Variants in GPR107 observed in about 807,000 individuals in gnomAD.
GPR107 encodes protein GPR107.
Under a neutral mutation model 75.5 loss-of-function variants are expected in GPR107, and 31 were observed. That is an observed-to-expected ratio of 0.41 (90% CI 0.31 to 0.55). GPR107 has a LOEUF of 0.55. Among genes scored for constraint, GPR107 ranks in the 20% least tolerant of loss-of-function variants. The probability of loss-of-function intolerance (pLI) is 0.26; values close to 1 mark genes in which losing one functional copy is unlikely to be tolerated. For missense variants in GPR107, 572 were observed against 665.7 expected, an observed-to-expected ratio of 0.86 and a Z score of 1.55; for synonymous variants, 267 against 251.3, an observed-to-expected ratio of 1.06 and a Z score of -0.59.
intron 12 of GPR107, 90 bp downstream of exon 12, chr9:130,101,313 C>A: frequency 1.4e-6 from 1 of 734,836 alleles, no homozygotes; most frequent in Admixed American, 2.0e-5. Context: ...GGAGTCACCT[C>A]ACCCTGAAAC....
intron 9 of GPR107, among the ~76,000 whole-genome samples, chr9:130,097,229 A>G (rs1279521080): frequency 2.9e-5 from 4 of 138,038 alleles, no homozygotes; most frequent in Non-Finnish European, 3.0e-5. Context: ...ATCTTGGCTC[A>G]TTGCAACCTC....
At chr9:130,100,798 C>T (rs1589512621) in intron 11 of GPR107, 96 bp downstream of exon 11, 2 of 833,302 alleles carry the variant, frequency 2.4e-6, no homozygotes, top group South Asian at 1.4e-5. Flanking sequence ...GCCCTGCCCT[C>T]CTGTGGCAGC....
At chr9:130,072,341 TC>T (rs1474749038) in intron 1 of GPR107, among the ~76,000 whole-genome samples, 1 of 151,976 alleles carries the variant, frequency 6.6e-6, no homozygotes, top group Non-Finnish European at 1.5e-5. Flanking sequence ...TGCCTCAGCC[TC>T]CCGAGTAGCT....
intron 14 of GPR107, among the ~76,000 whole-genome samples, chr9:130,117,803 AG>A (rs2132637103): frequency 6.6e-6 from 1 of 152,296 alleles, no homozygotes; most frequent in South Asian, 2.1e-4. Flanking sequence ...CCTTACACTC[AG>A]GGAAGGATTG....
chr9:130,086,713 A>C (rs1830623133), intron 7 of GPR107, among the ~76,000 whole-genome samples: 1 of 152,108 alleles, frequency 6.6e-6, no homozygotes, highest in Non-Finnish European at 1.5e-5. Flanking sequence ...AGTGTAGGTG[A>C]CACGGTACAG....
At chr9:130,058,391 A>G (rs551525259) in intron 1 of GPR107, among the ~76,000 whole-genome samples, 1 of 152,140 alleles carries the variant, frequency 6.6e-6, no homozygotes, top group South Asian at 2.1e-4. Flanking sequence ...GCAGCCACTA[A>G]TCTACTTTCT....
rs192167106 is a variant in GPR107, at chr9:130,115,586, G to A, written c.1306+8047G>A. Among the ~76,000 whole-genome samples, 227 of 151,910 alleles carry A rather than the reference G, an allele frequency of 1.5e-3. 1 individual carries two copies. The highest frequency in any genetic ancestry group is 2.4e-3 in the Non-Finnish European group (161 of 67,946). On this transcript the variant is annotated intron_variant, in intron 14 of 17. Coordinates refer to ENST00000347136, the MANE Select transcript of GPR107 (RefSeq NM_020960.5). ...TCGAGACCATCCTGGCTAACACGGC[G>A]AAACCCCATCTCTACTAAAAATACA... is the stretch of plus-strand genomic sequence containing the variant.
intron 12 of GPR107, among the ~76,000 whole-genome samples, chr9:130,101,978 C>T (rs1589513595): frequency 6.6e-6 from 1 of 152,188 alleles, no homozygotes; most frequent in African/African-American, 2.4e-5. Context: ...TGCAGCAGAG[C>T]TCCTCTCGGA....
chr9:130,115,456 T>C (rs1226985670), intron 14 of GPR107, among the ~76,000 whole-genome samples: 1 of 137,830 alleles, frequency 7.3e-6, no homozygotes, highest in Non-Finnish European at 1.6e-5. Flanking sequence ...CTCTGGTCCT[T>C]TTTGTTTTCT....
At chr9:130,085,771 T>TTTTTTTTTTTTTTTTTTTTCG (rs1830600791) in intron 6 of GPR107, among the ~76,000 whole-genome samples, 1 of 133,416 alleles carries the variant, frequency 7.5e-6, no homozygotes, top group South Asian at 2.4e-4. Flanking sequence ...TTTTTTTTTT[T>TTTTTTTTTTTTTTTTTTTTCG]GCCGGGGGGA....
At chr9:130,110,453 C>T in intron 14 of GPR107, 1 of 1,157,884 alleles carries the variant, frequency 8.6e-7, no homozygotes. Flanking sequence ...ATTCCCCATT[C>T]TTAGGAAGAC....
intron 16 of GPR107, 42 bp downstream of exon 16, chr9:130,127,608 G>A (rs185289735): frequency 9.6e-7 from 1 of 1,039,748 alleles, no homozygotes; most frequent in Middle Eastern, 2.0e-4. Flanking sequence ...ATTTATGCCT[G>A]AGGATAAAGT....
At chr9:130,127,253 G>C (rs1049199640) in intron 15 of GPR107, among the ~76,000 whole-genome samples, 1 of 152,176 alleles carries the variant, frequency 6.6e-6, no homozygotes, top group South Asian at 2.1e-4. Flanking sequence ...CGGTGGGTGT[G>C]GCTGTTAGCA....
intron 10 of GPR107, among the ~76,000 whole-genome samples, chr9:130,100,139 C>G (rs1830986931): frequency 6.6e-6 from 1 of 152,114 alleles, no homozygotes; most frequent in Non-Finnish European, 1.5e-5. Context: ...TCGTGATCCG[C>G]CCGCCTCAGC....
intron 1 of GPR107, 45 bp downstream of exon 1, chr9:130,054,118 C>T: frequency 2.3e-6 from 3 of 1,311,524 alleles, no homozygotes; most frequent in East Asian, 5.8e-5. Flanking sequence ...GCCGAGGCCA[C>T]TCCCCGGGTT....
intron 1 of GPR107, among the ~76,000 whole-genome samples, chr9:130,066,162 G>C (rs1830064246): frequency 6.6e-6 from 1 of 150,442 alleles, no homozygotes; most frequent in Non-Finnish European, 1.5e-5. Context: ...ATCTGGGTGT[G>C]GTGGTGTGCA....
chr9:130,068,913 T>C (rs917117438), intron 1 of GPR107, among the ~76,000 whole-genome samples: 7 of 152,084 alleles, frequency 4.6e-5, no homozygotes, highest in African/African-American at 1.7e-4. Context: ...TAATTTTTTG[T>C]ATTTTTGGCA....
At chr9:130,057,579 T>G (rs1441419132) in intron 1 of GPR107, among the ~76,000 whole-genome samples, 1 of 150,812 alleles carries the variant, frequency 6.6e-6, no homozygotes, top group African/African-American at 2.4e-5. Flanking sequence ...GCAGATAGAA[T>G]AGCATAATGA....
rs1299083920 is a variant in GPR107 at position 130,125,664 on chromosome 9, C to T, written c.1356+700C>T. Among the ~76,000 whole-genome samples, 19 of 140,710 alleles carry T rather than the reference C, an allele frequency of 1.4e-4. No individual in the cohort carries two copies. In the South Asian group the frequency reaches 2.4e-3, roughly 18 times the overall value. The allele number at this position is 140,710 out of a possible 152,430, so 92.3% of individuals were successfully genotyped here. On this transcript the variant is annotated intron_variant, in intron 15 of 17. Transcript: ENST00000347136. ...TCGCCCAGGCTGGAGTGCAGTAGTG[C>T]GATCCCGGCCACTATTTTTACTCAT...
Sources: allele counts gnomAD v4.1 joint callset (sites outside exome capture counted in the v4.1 genomes callset), GRCh38; gene constraint gnomAD v4.1.1; transcripts MANE v1.5; gene names NCBI Gene and HGNC (gene_info 2026-07-23, HGNC 2026-07-21).